AGBL1: variants seen among roughly 807,000 people sequenced by gnomAD.
AGBL1 encodes AGBL carboxypeptidase 1, also known as cytosolic carboxypeptidase 4.
Under a neutral mutation model 118.9 loss-of-function variants are expected in AGBL1, and 130 were observed. That is an observed-to-expected ratio of 1.09 (90% CI 0.95 to 1.26). The LOEUF (loss-of-function observed/expected upper bound fraction) is 1.26, where lower values mean the gene tolerates loss of function less well. Among genes scored for constraint, AGBL1 ranks in the 50% most tolerant of loss-of-function variants. The probability of loss-of-function intolerance (pLI) is 0.00; values close to 1 mark genes in which losing one functional copy is unlikely to be tolerated. For missense variants in AGBL1, 1,584 were observed against 1,298.1 expected (o/e 1.22, Z -3.38); for synonymous variants, 555 against 478.9 (o/e 1.16, Z -2.08).
At chr15:86,205,331 A>G (rs998738496) in intron 5 of AGBL1, among the ~76,000 whole-genome samples, 1 of 152,214 alleles carries the variant, frequency 6.6e-6, no homozygotes, top group African/African-American at 2.4e-5. Flanking sequence ...AGGATGTAGC[A>G]AAGTTTATTT....
chr15:86,820,044 G>A (rs2078917819), intron 22 of AGBL1, among the ~76,000 whole-genome samples: 2 of 152,142 alleles, frequency 1.3e-5, no homozygotes, highest in African/African-American at 2.4e-5. Flanking sequence ...AATGGGGAAA[G>A]GATTCCTTAT....
Position 86,915,936 on chromosome 15 carries a change from GC to G in AGBL1, c.*8646del, listed in dbSNP as rs1230661835. 1 of 152,182 alleles carries G rather than the reference GC, an allele frequency of 6.6e-6. No homozygotes were observed. The highest frequency in any genetic ancestry group is 1.5e-5 in the Non-Finnish European group (1 of 68,056). The allele number at this position is 152,182 out of a possible 1,614,324, so 9.4% of individuals were successfully genotyped here. ...AGGCGTCCAGGAGAAACCTCCCTCA[GC>G]CCCGTTTGCGGTGCCTCCTGGTCGG... On this transcript the variant is annotated 3_prime_UTR_variant, in exon 23 of 23. Transcript: ENST00000614907.
At chr15:86,457,351 T>C (rs1165930820) in intron 18 of AGBL1, among the ~76,000 whole-genome samples, 2 of 152,256 alleles carry the variant, frequency 1.3e-5, no homozygotes, top group African/African-American at 4.8e-5. Context: ...TTTTTCCCTC[T>C]AGTAAAGAGG....
intron 16 of AGBL1, among the ~76,000 whole-genome samples, chr15:86,280,254 G>A (rs1431559518): frequency 1.3e-5 from 2 of 152,148 alleles, no homozygotes; most frequent in African/African-American, 2.4e-5. Context: ...AGCATCTCCA[G>A]TGGTTCCAAT....
intron 18 of AGBL1, among the ~76,000 whole-genome samples, chr15:86,439,401 T>G (rs2082035689): frequency 6.6e-6 from 1 of 152,198 alleles, no homozygotes; most frequent in Non-Finnish European, 1.5e-5. Flanking sequence ...TATAGGGAGC[T>G]GCATTCTTAT....
At position 86,397,466 on chromosome 15, in the gene AGBL1, C is replaced by A. The variant is rs2081384948; in HGVS notation, c.2475C>A (p.Asp825Glu). ...CCTTGGAGTTCCTGGTCAGCAGTGA[C>A]CCTGTGGCTAGGCTCTTGAGGGAAA... ...KGTLEFLVSS[D>E]PVARLLRENF... Residue 825 changes from aspartate (D) to glutamate (E), a missense_variant, in exon 18 of 23, where the codon GAC becomes GAA. By Grantham distance (45) the Asp-to-Glu change is conservative. Transcript: ENST00000614907. 1 of 1,613,066 alleles carries A rather than the reference C, an allele frequency of 6.2e-7. No homozygotes were observed. Among genetic ancestry groups the A allele is most frequent in the Non-Finnish European group, 8.5e-7 (1 of 1,179,364 alleles).
At chr15:86,459,444 A>C (rs2082302431) in intron 18 of AGBL1, among the ~76,000 whole-genome samples, 1 of 152,196 alleles carries the variant, frequency 6.6e-6, no homozygotes, top group South Asian at 2.1e-4. Flanking sequence ...CTTGCCTAAA[A>C]ATATGTGGTG....
At chr15:86,470,405 C>A (rs999674599) in intron 18 of AGBL1, among the ~76,000 whole-genome samples, 4 of 152,052 alleles carry the variant, frequency 2.6e-5, no homozygotes, top group Non-Finnish European at 4.4e-5. Context: ...TCTAAGATCT[C>A]TATTGTGTTT....
At chr15:86,953,014 T>A (rs1372625109) in intron 23 of AGBL1, among the ~76,000 whole-genome samples, 4 of 152,212 alleles carry the variant, frequency 2.6e-5, no homozygotes, top group Non-Finnish European at 5.9e-5. Flanking sequence ...ATTGTTCTTT[T>A]CTGTTCCATT....
intron 21 of AGBL1, among the ~76,000 whole-genome samples, chr15:86,665,954 A>C (rs1262973603): frequency 6.6e-6 from 1 of 152,166 alleles, no homozygotes; most frequent in African/African-American, 2.4e-5. Context: ...TTTTATATCA[A>C]TACCGAAACA....
intron 1 of AGBL1, among the ~76,000 whole-genome samples, chr15:86,139,539 A>G (rs1020789504): frequency 6.6e-6 from 1 of 151,874 alleles, no homozygotes; most frequent in Non-Finnish European, 1.5e-5. Context: ...TCCCTTTGGG[A>G]GGCTGAGGCA....
chr15:86,236,780 A>AG (rs1330423551), intron 6 of AGBL1, among the ~76,000 whole-genome samples: 1 of 151,700 alleles, frequency 6.6e-6, no homozygotes, highest in Non-Finnish European at 1.5e-5. Flanking sequence ...AGGCTGGAGG[A>AG]GGGGGTATCT....
intron 17 of AGBL1, among the ~76,000 whole-genome samples, chr15:86,315,337 G>C (rs1323517606): frequency 6.6e-6 from 1 of 152,156 alleles, no homozygotes; most frequent in African/African-American, 2.4e-5. Context: ...GGTATTGACT[G>C]TTGGGCAACC....
At chr15:86,488,713 C>T (rs577390665) in intron 18 of AGBL1, among the ~76,000 whole-genome samples, 10 of 152,130 alleles carry the variant, frequency 6.6e-5, no homozygotes, top group Admixed American at 2.6e-4. Flanking sequence ...GTCCTCCTTG[C>T]TTCAAACAGC....
At chr15:86,617,760 G>GCGCGCACA (rs1190179367) in intron 21 of AGBL1, among the ~76,000 whole-genome samples, 15 of 146,832 alleles carry the variant, frequency 1.0e-4, no homozygotes, top group African/African-American at 3.3e-4. Flanking sequence ...AACTTTATGC[G>GCGCGCACA]CACACACACA....
At chr15:86,330,375 T>C (rs1253556212) in intron 17 of AGBL1, among the ~76,000 whole-genome samples, 1 of 152,054 alleles carries the variant, frequency 6.6e-6, no homozygotes, top group Non-Finnish European at 1.5e-5. Context: ...AATAGGGCTA[T>C]TTTTGGCAAA....
chr15:87,024,419 A>C (rs1354549899), intron 24 of AGBL1, among the ~76,000 whole-genome samples: 1 of 151,930 alleles, frequency 6.6e-6, no homozygotes, highest in Non-Finnish European at 1.5e-5. Context: ...CTCTCCTAGC[A>C]TAACTCAGGA....
intron 17 of AGBL1, chr15:86,317,123 T>G (rs920299345): frequency 1.3e-5 from 2 of 152,308 alleles, no homozygotes; most frequent in Non-Finnish European, 2.9e-5. Context: ...GGCTTCTTCC[T>G]CTCCATCCTT....
At chr15:86,789,242 A>G (rs530848448) in intron 22 of AGBL1, among the ~76,000 whole-genome samples, 14 of 152,214 alleles carry the variant, frequency 9.2e-5, no homozygotes, top group Admixed American at 2.0e-4. Context: ...CATAGGCTCC[A>G]TTGTTAGGCA....
Sources: allele counts gnomAD v4.1 joint callset (sites outside exome capture counted in the v4.1 genomes callset), GRCh38; gene constraint gnomAD v4.1.1; transcripts MANE v1.5; gene names NCBI Gene and HGNC (gene_info 2026-07-23, HGNC 2026-07-21).